SLIT1: variants seen among roughly 807,000 people sequenced by gnomAD.
SLIT1 encodes slit homolog 1 protein.
SLIT1 carries 66 observed loss-of-function variants against 186.1 expected under a neutral mutation model. The observed-to-expected ratio is 0.35, with a 90% CI of 0.29 to 0.44. The LOEUF is 0.44. Ranked by LOEUF, SLIT1 falls within the 20% of genes least tolerant of loss-of-function variation. SLIT1 has a pLI of 1.00. For synonymous variants in SLIT1, 761 were observed against 833.8 expected, an observed-to-expected ratio of 0.91 and a Z score of 1.50; for missense variants, 1,638 against 2,037.4, an observed-to-expected ratio of 0.80 and a Z score of 3.77.
intron 34 of SLIT1, 80 bp downstream of exon 34, chr10:97,003,988 G>T: frequency 1.5e-6 from 2 of 1,311,154 alleles, no homozygotes; most frequent in Non-Finnish European, 1.1e-6. Context: ...ATTTCCCACA[G>T]TGCAGTCCCT....
In SLIT1 at chr10:97,148,570, A is replaced by T. The variant is rs1040259756; in HGVS notation, c.413+9248T>A. 4.6e-5 allele frequency among the ~76,000 whole-genome samples: 7 copies of T among 152,168 alleles called. No homozygotes were observed. In the East Asian group the frequency reaches 9.6e-4, roughly 21 times the overall value. On this transcript the variant is annotated intron_variant, in intron 4 of 36. Coordinates refer to ENST00000266058, the MANE Select transcript of SLIT1 (RefSeq NM_003061.3). ...GTTGGGATTATAAGCGTGAGCCACCATGCCTGGCCTAAAACTTTATTTTTT... is the reference window on the plus strand; with the variant it reads ...GTTGGGATTATAAGCGTGAGCCACCTTGCCTGGCCTAAAACTTTATTTTTT...
At chr10:97,163,955 C>T (rs539538559) in intron 2 of SLIT1, among the ~76,000 whole-genome samples, 2 of 152,338 alleles carry the variant, frequency 1.3e-5, no homozygotes, top group African/African-American at 4.8e-5. Flanking sequence ...CCCACACAGG[C>T]AGCAACACAC....
In SLIT1 at chr10:97,021,530, A is replaced by C; in HGVS notation, c.2583-117T>G. On this transcript the variant is annotated intron_variant, in intron 25 of 36. Transcript: ENST00000266058. The surrounding 1 kb of genome is among the most constrained non-coding windows in gnomAD (Gnocchi z 4.5). ...TGGCAAAAATCTTAGCCTCCATTTC[A>C]TGAGCATTTACTGTATAGTCAGTGC... 1 of 855,112 alleles carries C rather than the reference A, an allele frequency of 1.2e-6. No homozygotes were observed. The highest frequency in any genetic ancestry group is 1.8e-6 in the Non-Finnish European group (1 of 560,038). The allele number at this position is 855,112 out of a possible 1,614,324, so 53.0% of individuals were successfully genotyped here. A position where few individuals can be genotyped will look rare whatever the true frequency, so the allele number is the denominator to read the frequency against.
At chr10:97,171,225 C>T (rs1850183923) in intron 1 of SLIT1, among the ~76,000 whole-genome samples, 1 of 152,126 alleles carries the variant, frequency 6.6e-6, no homozygotes, top group Non-Finnish European at 1.5e-5. Flanking sequence ...GAACTTCTCT[C>T]CCCAGCCACT....
At chr10:97,052,333 C>T (rs1848796928) in intron 13 of SLIT1, among the ~76,000 whole-genome samples, 1 of 152,144 alleles carries the variant, frequency 6.6e-6, no homozygotes, top group African/African-American at 2.4e-5. Context: ...CTCCTGGCCT[C>T]AGGTGATCTG....
chr10:97,082,995 C>T (rs1243484136), intron 4 of SLIT1, among the ~76,000 whole-genome samples: 3 of 152,220 alleles, frequency 2.0e-5, no homozygotes, highest in Non-Finnish European at 4.4e-5. Flanking sequence ...TCACTGCAGC[C>T]TGGGCTCAGG....
intron 4 of SLIT1, among the ~76,000 whole-genome samples, chr10:97,145,141 CTAT>C (rs1458545847): frequency 2.6e-5 from 4 of 151,742 alleles, no homozygotes; most frequent in Admixed American, 6.6e-5. Flanking sequence ...GTTATTATTA[CTAT>C]TATTATTATT....
chr10:97,064,482 G>A (rs1281160278), intron 6 of SLIT1, among the ~76,000 whole-genome samples: 5 of 152,212 alleles, frequency 3.3e-5, no homozygotes, highest in African/African-American at 4.8e-5. Flanking sequence ...GGGAGATGGA[G>A]CAGGGCGGGT....
chr10:97,086,105 C>T (rs912256302), intron 4 of SLIT1, among the ~76,000 whole-genome samples: 25 of 152,304 alleles, frequency 1.6e-4, no homozygotes, highest in East Asian at 7.7e-4. Context: ...TGCTCCTTGG[C>T]GTTACCCAAA....
chr10:97,185,179 A>C (rs919420127), intron 1 of SLIT1, among the ~76,000 whole-genome samples: 1 of 152,218 alleles, frequency 6.6e-6, no homozygotes, highest in African/African-American at 2.4e-5. Context: ...GGCACCCTGG[A>C]GGAATAAAGC....
chr10:97,100,825 C>T (rs1268031433), intron 4 of SLIT1, among the ~76,000 whole-genome samples: 1 of 152,202 alleles, frequency 6.6e-6, no homozygotes, highest in Non-Finnish European at 1.5e-5. Flanking sequence ...GCCGCTGCCT[C>T]GGCCTTAGGT....
intron 4 of SLIT1, among the ~76,000 whole-genome samples, chr10:97,077,587 T>G (rs931308197): frequency 4.6e-5 from 7 of 152,108 alleles, no homozygotes; most frequent in Non-Finnish European, 8.8e-5. Context: ...TTCTGTAACA[T>G]AAGTTTGTAA....
chr10:97,165,906 C>T (rs1850099194), intron 1 of SLIT1, among the ~76,000 whole-genome samples: 1 of 152,152 alleles, frequency 6.6e-6, no homozygotes, highest in South Asian at 2.1e-4. Flanking sequence ...CTCGCTCAGC[C>T]TCACCAAGGC....
chr10:97,005,566 G>C (rs1269126405), intron 32 of SLIT1, among the ~76,000 whole-genome samples: 1 of 152,236 alleles, frequency 6.6e-6, no homozygotes, highest in Non-Finnish European at 1.5e-5. Context: ...TCTTCCTTGA[G>C]CTGACCGAAT....
chr10:97,003,426 G>C (rs1848330498), intron 34 of SLIT1, among the ~76,000 whole-genome samples: 1 of 152,194 alleles, frequency 6.6e-6, no homozygotes, highest in African/African-American at 2.4e-5. Context: ...TCTGAAGTAG[G>C]GCTTGCTAAG....
At chr10:97,182,834 C>T (rs973253683) in intron 1 of SLIT1, among the ~76,000 whole-genome samples, 2 of 152,178 alleles carry the variant, frequency 1.3e-5, no homozygotes, top group Non-Finnish European at 2.9e-5. Context: ...GGCTCATACT[C>T]ACACCTGCTG....
At chr10:97,052,880 A>C (rs1383489254) in intron 13 of SLIT1, among the ~76,000 whole-genome samples, 1 of 152,178 alleles carries the variant, frequency 6.6e-6, no homozygotes, top group African/African-American at 2.4e-5. Flanking sequence ...TTCTTATTCC[A>C]AGTTGTAGTT....
intron 1 of SLIT1, among the ~76,000 whole-genome samples, chr10:97,170,690 T>C (rs1044957244): frequency 3.3e-5 from 5 of 152,254 alleles, no homozygotes; most frequent in Admixed American, 6.5e-5. Context: ...CCTCCATTCC[T>C]GTGTGGTCCT....
chr10:97,023,441 T>C (rs981344572), intron 25 of SLIT1, among the ~76,000 whole-genome samples: 1 of 151,964 alleles, frequency 6.6e-6, no homozygotes, highest in Non-Finnish European at 1.5e-5. Flanking sequence ...GAAGCACGTG[T>C]AATATGCTAA....
Sources: allele counts gnomAD v4.1 joint callset (sites outside exome capture counted in the v4.1 genomes callset), GRCh38; gene constraint gnomAD v4.1.1; non-coding constraint Gnocchi (gnomAD v3.1); transcripts MANE v1.5; gene names NCBI Gene and HGNC (gene_info 2026-07-23, HGNC 2026-07-21).